TMEM126A: variants seen among roughly 807,000 people sequenced by gnomAD.
The protein encoded by TMEM126A is transmembrane protein 126A.
A neutral mutation model predicts 18.3 loss-of-function variants in TMEM126A; 10 were observed. The observed-to-expected ratio is 0.55, with a 90% CI of 0.34 to 0.93. The LOEUF (loss-of-function observed/expected upper bound fraction) is 0.93. Among genes scored for constraint, TMEM126A ranks in the 40% least tolerant of loss-of-function variants. The pLI is 0.02. For synonymous variants in TMEM126A, 68 were observed against 78.1 expected (o/e 0.87, Z 0.68); for missense variants, 246 against 230.2 (o/e 1.07, Z -0.44).
At chr11:85,653,576 GTTTA>G (rs1260013754) in intron 2 of TMEM126A, among the ~76,000 whole-genome samples, 1 of 152,152 alleles carries the variant, frequency 6.6e-6, no homozygotes, top group African/African-American at 2.4e-5. Flanking sequence ...GAAAACATCA[GTTTA>G]TTTCTCATCA....
At chr11:85,654,957 G>A (rs1339374108) in intron 3 of TMEM126A, among the ~76,000 whole-genome samples, 1 of 151,510 alleles carries the variant, frequency 6.6e-6, no homozygotes, top group African/African-American at 2.4e-5. Flanking sequence ...ATATTTTTAT[G>A]GGAATAACTC....
intron 2 of TMEM126A, among the ~76,000 whole-genome samples, chr11:85,651,069 C>CAAA (rs3068382): frequency 0.14 from 11,064 of 77,318 alleles, 1,323 homozygotes; most frequent in South Asian, 0.23. Flanking sequence ...GGATCCGTCT[C>CAAA]AAAAAAAAAA....
chr11:85,648,986 G>C (rs1359012226), intron 1 of TMEM126A, among the ~76,000 whole-genome samples: 1 of 149,494 alleles, frequency 6.7e-6, no homozygotes, highest in Non-Finnish European at 1.5e-5. Context: ...CCAGGCTGGA[G>C]TGCAGTGGCG....
chr11:85,656,272 A>G (rs754874068), intron 4 of TMEM126A, 37 bp from the exon 5 acceptor site: 9 of 1,586,980 alleles, frequency 5.7e-6, no homozygotes, highest in Middle Eastern at 2.3e-4. Context: ...TGATGCAACA[A>G]TCTTTTCTAT....
chr11:85,651,743 CT>C (rs1409974633), intron 2 of TMEM126A, among the ~76,000 whole-genome samples: 3 of 152,148 alleles, frequency 2.0e-5, no homozygotes, highest in African/African-American at 7.2e-5. Flanking sequence ...TTCACCCCCC[CT>C]CCCCACACTC....
intron 2 of TMEM126A, among the ~76,000 whole-genome samples, chr11:85,653,398 A>G (rs988605889): frequency 1.3e-5 from 2 of 152,250 alleles, no homozygotes; most frequent in Non-Finnish European, 2.9e-5. Flanking sequence ...GTAGATGGCA[A>G]TGTAAGTGGT....
At chr11:85,654,846 T>C (rs1345138928) in intron 3 of TMEM126A, among the ~76,000 whole-genome samples, 1 of 150,236 alleles carries the variant, frequency 6.7e-6, no homozygotes, top group Non-Finnish European at 1.5e-5. Context: ...GAAAATTATA[T>C]ATATGGAAAT....
chr11:85,655,451 T>C, intron 3 of TMEM126A, 143 bp from the exon 4 acceptor site: 2 of 671,710 alleles, frequency 3.0e-6, no homozygotes, highest in Admixed American at 2.4e-5. Context: ...GATGTAATTA[T>C]ACCTTTTAAC....
At chr11:85,650,405 T>A (rs2082490319) in intron 2 of TMEM126A, 64 bp downstream of exon 2, 1 of 1,193,184 alleles carries the variant, frequency 8.4e-7, no homozygotes, top group African/African-American at 1.5e-5. Context: ...TGATTCATTA[T>A]CTCAAGTTTA....
At chr11:85,652,206 T>C (rs1236663382) in intron 2 of TMEM126A, among the ~76,000 whole-genome samples, 2 of 152,222 alleles carry the variant, frequency 1.3e-5, no homozygotes, top group East Asian at 3.8e-4. Flanking sequence ...GAAAGCAGTC[T>C]GTCACTGGGT....
intron 2 of TMEM126A, among the ~76,000 whole-genome samples, chr11:85,651,745 C>A (rs924597077): frequency 6.6e-6 from 1 of 152,116 alleles, no homozygotes; most frequent in African/African-American, 2.4e-5. Flanking sequence ...CACCCCCCCT[C>A]CCCACACTCC....
intron 4 of TMEM126A, among the ~76,000 whole-genome samples, chr11:85,655,938 C>A (rs1306648478): frequency 6.6e-6 from 1 of 152,090 alleles, no homozygotes; most frequent in Admixed American, 6.6e-5. Flanking sequence ...GTACTGAATA[C>A]TAAACTAACT....
Position 85,651,967 on chromosome 11 carries a change from T to A in TMEM126A, c.86+1626T>A, listed in dbSNP as rs569234666. 3.3e-5 allele frequency among the ~76,000 whole-genome samples: 5 copies of A among 152,204 alleles called. No individual in the cohort carries two copies. In the East Asian group the frequency reaches 9.7e-4, roughly 29 times the overall value. On this transcript the variant is annotated intron_variant, in intron 2 of 4. Transcript: ENST00000304511. Reference sequence around the variant, plus strand: ...TCACCTGAGGTCAGGAGTTTAAGACTAGCCTGGCCAACATGGCGAAACCCT... The same window carrying A: ...TCACCTGAGGTCAGGAGTTTAAGACAAGCCTGGCCAACATGGCGAAACCCT...
In TMEM126A at chr11:85,654,190, G is replaced by T. The variant is rs1472028774; in HGVS notation, c.214G>T (p.Ala72Ser). ...TCGCATAGCTGCTGGCTTACCAATG[G>T]CAGGGATACCTTTTCTTACAACAGA... Reference protein sequence around the residue: ...KARIAAGLPMAGIPFLTTDLT... With the variant: ...KARIAAGLPMSGIPFLTTDLT... The change falls in exon 3 of 5, where the codon GCA becomes TCA. Residue 72 changes from alanine (A) to serine (S), a missense_variant. Physicochemically the swap from Ala to Ser is moderately conservative, Grantham distance 99. Coordinates refer to ENST00000304511, the MANE Select transcript of TMEM126A (RefSeq NM_032273.4). The T allele has an allele frequency of 6.2e-7, 1 of 1,614,174 alleles. No homozygotes were observed. Among genetic ancestry groups the T allele is most frequent in the Admixed American group, 1.7e-5 (1 of 60,020 alleles).
At chr11:85,648,995 C>T (rs937660832) in intron 1 of TMEM126A, among the ~76,000 whole-genome samples, 39 of 143,472 alleles carry the variant, frequency 2.7e-4, no homozygotes, top group African/African-American at 8.8e-4. Context: ...AGTGCAGTGG[C>T]GAGATCTCGG....
intron 3 of TMEM126A, among the ~76,000 whole-genome samples, chr11:85,654,722 G>A (rs945903862): frequency 6.6e-6 from 1 of 151,934 alleles, no homozygotes; most frequent in Non-Finnish European, 1.5e-5. Flanking sequence ...CAAAGTGCTG[G>A]GATTACAGGC....
Position 85,650,314 on chromosome 11 carries a change from AAATT to A in TMEM126A, c.62_65del (p.Ile21ThrfsTer20), listed in dbSNP as rs1300770787. Reference sequence around the variant, plus strand: ...ATAACAATTGTTGATATATCCAGAAAAATTAACCAGCTTCCAGAAGCAGAAAGGT... The same window carrying A: ...ATAACAATTGTTGATATATCCAGAAAAACCAGCTTCCAGAAGCAGAAAGGT... On this transcript the variant is annotated frameshift_variant, in exon 2 of 5. Transcript: ENST00000304511. LOFTEE classifies it high-confidence loss of function. 6.2e-7 allele frequency: 1 copy of A among 1,608,774 alleles called. No individual in the cohort carries two copies. Among genetic ancestry groups the A allele is most frequent in the Admixed American group, 1.7e-5 (1 of 59,976 alleles).
At chr11:85,653,527 A>C in intron 2 of TMEM126A, among the ~76,000 whole-genome samples, 1 of 152,234 alleles carries the variant, frequency 6.6e-6, no homozygotes, top group East Asian at 1.9e-4. Flanking sequence ...TTAAAAGTTC[A>C]TACATAACCT....
intron 2 of TMEM126A, among the ~76,000 whole-genome samples, chr11:85,652,655 T>A (rs915598386): frequency 6.6e-5 from 10 of 152,164 alleles, no homozygotes; most frequent in Non-Finnish European, 1.3e-4. Flanking sequence ...AACTTTTAAT[T>A]AACTAAACAT....
Sources: gnomAD v4.1 joint callset for allele counts (sites outside exome capture counted in the v4.1 genomes callset) on GRCh38, gnomAD v4.1.1 for gene constraint, MANE v1.5 for transcripts, NCBI Gene and HGNC (gene_info 2026-07-23, HGNC 2026-07-21) for gene names.